Variants in CD200R1 observed in about 807,000 individuals in gnomAD.
The protein encoded by CD200R1 is cell surface glycoprotein CD200 receptor 1.
Under a neutral mutation model 38.1 loss-of-function variants are expected in CD200R1, and 30 were observed. That is an observed-to-expected ratio of 0.79 (90% CI 0.59 to 1.07). CD200R1 has a LOEUF of 1.07. CD200R1 is among the 50% of genes least tolerant of loss of function. CD200R1 has a pLI of 0.00. For synonymous variants in CD200R1, 128 were observed against 152.1 expected, an observed-to-expected ratio of 0.84 and a Z score of 1.16; for missense variants, 372 against 415.4, an observed-to-expected ratio of 0.90 and a Z score of 0.91.
intron 2 of CD200R1, among the ~76,000 whole-genome samples, chr3:112,942,019 A>T (rs1361688851): frequency 3.3e-5 from 5 of 151,780 alleles, no homozygotes; most frequent in Admixed American, 6.6e-5. Context: ...AGAAATAAAG[A>T]TGTTCTCAGA....
chr3:112,948,803 G>A (rs1940918214), intron 1 of CD200R1, among the ~76,000 whole-genome samples: 1 of 152,138 alleles, frequency 6.6e-6, no homozygotes, highest in Non-Finnish European at 1.5e-5. Flanking sequence ...AGCAATTATT[G>A]GCAAAGTACT....
intron 5 of CD200R1, among the ~76,000 whole-genome samples, chr3:112,926,178 CTCTA>C (rs1250648648): frequency 2.0e-5 from 3 of 152,146 alleles, no homozygotes; most frequent in Non-Finnish European, 2.9e-5. Context: ...CAATACAAAA[CTCTA>C]TCTGACAAGC....
chr3:112,956,077 A>G (rs928256615), intron 1 of CD200R1, among the ~76,000 whole-genome samples: 1 of 151,794 alleles, frequency 6.6e-6, no homozygotes, highest in Non-Finnish European at 1.5e-5. Context: ...GTTTTTTGCT[A>G]TTACTTCCTT....
intron 2 of CD200R1, among the ~76,000 whole-genome samples, chr3:112,939,129 C>T (rs1940657263): frequency 6.6e-6 from 1 of 151,808 alleles, no homozygotes; most frequent in Admixed American, 6.6e-5. Flanking sequence ...TACTTCAACA[C>T]AATAAAGGCC....
intron 1 of CD200R1, among the ~76,000 whole-genome samples, chr3:112,970,127 A>T (rs1933265682): frequency 6.6e-6 from 1 of 152,168 alleles, no homozygotes. Flanking sequence ...GCAGTAAGCC[A>T]TGATTGCACC....
chr3:112,944,344 A>G (rs1940793624), intron 2 of CD200R1, among the ~76,000 whole-genome samples: 1 of 151,982 alleles, frequency 6.6e-6, no homozygotes, highest in Non-Finnish European at 1.5e-5. Flanking sequence ...AAAATTCAAA[A>G]ATGAATTAAT....
chr3:112,957,741 T>C (rs1941134355), intron 1 of CD200R1, among the ~76,000 whole-genome samples: 2 of 152,136 alleles, frequency 1.3e-5, no homozygotes, highest in South Asian at 4.1e-4. Context: ...TATACATATC[T>C]AACAAAAGAC....
chr3:112,952,796 A>T (rs1463190578), intron 1 of CD200R1, among the ~76,000 whole-genome samples: 2 of 151,656 alleles, frequency 1.3e-5, no homozygotes, highest in African/African-American at 2.4e-5. Context: ...TAATAATAAT[A>T]AATAAATAAA....
chr3:112,973,112 G>C (rs1008124188), intron 1 of CD200R1, among the ~76,000 whole-genome samples: 1 of 152,158 alleles, frequency 6.6e-6, no homozygotes, highest in African/African-American at 2.4e-5. Context: ...CTTTAAAATT[G>C]AAAATTACAA....
chr3:112,969,570 T>A (rs1933250631), intron 1 of CD200R1, among the ~76,000 whole-genome samples: 2 of 152,190 alleles, frequency 1.3e-5, no homozygotes, highest in South Asian at 4.1e-4. Context: ...CAGGGATGAC[T>A]TCAGTTACTT....
intron 1 of CD200R1, among the ~76,000 whole-genome samples, chr3:112,962,232 C>A (rs567955947): frequency 6.6e-6 from 1 of 152,182 alleles, no homozygotes; most frequent in Non-Finnish European, 1.5e-5. Flanking sequence ...TCCAAAACTA[C>A]TTAATGAAGA....
chr3:112,926,597 T>G lies in CD200R1; in HGVS notation c.770-1404A>C, dbSNP rs116723133. Among the ~76,000 whole-genome samples, 718 of 152,216 alleles carry G rather than the reference T, an allele frequency of 4.7e-3. 6 individuals are homozygous for G. The highest frequency in any genetic ancestry group is 0.017 in the African/African-American group (693 of 41,530). Reference sequence around the variant, plus strand: ...ATAAATCTGACATCATATAGTAATATGAAAGGTGATATTTCACACATAACC... The same window carrying G: ...ATAAATCTGACATCATATAGTAATAGGAAAGGTGATATTTCACACATAACC... On this transcript the variant is annotated intron_variant, in intron 5 of 7. Transcript: ENST00000308611.
At chr3:112,941,685 T>C (rs1697555518) in intron 2 of CD200R1, among the ~76,000 whole-genome samples, 1 of 151,482 alleles carries the variant, frequency 6.6e-6, no homozygotes, top group Non-Finnish European at 1.5e-5. Context: ...GACTAAGAAT[T>C]TTCTCCAAAT....
At chr3:112,944,901 G>A (rs554897750) in intron 2 of CD200R1, among the ~76,000 whole-genome samples, 1 of 152,208 alleles carries the variant, frequency 6.6e-6, no homozygotes, top group East Asian at 1.9e-4. Flanking sequence ...GTCAATGTTT[G>A]TATGACAATT....
At chr3:112,938,033 A>G (rs1940628575) in intron 2 of CD200R1, among the ~76,000 whole-genome samples, 1 of 152,050 alleles carries the variant, frequency 6.6e-6, no homozygotes, top group African/African-American at 2.4e-5. Context: ...TTTTTGCACA[A>G]TGATTTTGGA....
intron 1 of CD200R1, among the ~76,000 whole-genome samples, chr3:112,963,338 A>T (rs1933070418): frequency 6.6e-6 from 1 of 152,222 alleles, no homozygotes; most frequent in African/African-American, 2.4e-5. Flanking sequence ...GCTCAGAAGA[A>T]GAAAGGAAAA....
chr3:112,937,343 A>C (rs974244556), intron 2 of CD200R1, among the ~76,000 whole-genome samples: 14 of 152,164 alleles, frequency 9.2e-5, no homozygotes, highest in Admixed American at 3.3e-4. Context: ...ACATTTCAAG[A>C]TGAGATTTGG....
Position 112,928,753 on chromosome 3 carries a change from T to G in CD200R1, c.769+63A>C, listed in dbSNP as rs1451639110. 7 of 1,318,602 alleles carry G rather than the reference T, an allele frequency of 5.3e-6. No homozygotes were observed. The Admixed American group carries it at 6.6e-5, about 12-fold the overall frequency. 81.7% of individuals were successfully genotyped at this position (1,318,602 alleles called of 1,614,324 possible). A position where few individuals can be genotyped will look rare whatever the true frequency, so the allele number is the denominator to read the frequency against. ...AACAAAATATATTTGCACATCTTTT[T>G]TTTTCTTAACTCTTTTAAAAGAATG... On this transcript the variant is annotated intron_variant, in intron 5 of 7. Coordinates refer to ENST00000308611, the MANE Select transcript of CD200R1 (RefSeq NM_138806.4).
intron 1 of CD200R1, among the ~76,000 whole-genome samples, chr3:112,971,932 T>C (rs1416375059): frequency 6.6e-6 from 1 of 152,094 alleles, no homozygotes; most frequent in African/African-American, 2.4e-5. Context: ...CTCCATAAAA[T>C]CCTCCACAAC....
Sources: allele counts gnomAD v4.1 joint callset (sites outside exome capture counted in the v4.1 genomes callset), GRCh38; gene constraint gnomAD v4.1.1; transcripts MANE v1.5; gene names NCBI Gene and HGNC (gene_info 2026-07-23, HGNC 2026-07-21).